Variants in KCNK6 observed in about 807,000 individuals in gnomAD.
KCNK6 encodes the protein potassium two pore domain channel subfamily K member 6.
KCNK6 carries 20 observed loss-of-function variants against 21.9 expected under a neutral mutation model. The observed-to-expected ratio is 0.91, with a 90% confidence interval of 0.64 to 1.32. KCNK6 has a LOEUF of 1.32. Among genes scored for constraint, KCNK6 ranks in the 40% most tolerant of loss-of-function variants. The pLI, the probability that KCNK6 is intolerant of heterozygous loss-of-function variation, is 0.00. For synonymous variants in KCNK6, 210 were observed against 218.0 expected, an observed-to-expected ratio of 0.96 and a Z score of 0.32; for missense variants, 415 against 433.1, an observed-to-expected ratio of 0.96 and a Z score of 0.37.
Position 38,320,248 on chromosome 19 carries a change from G to A in KCNK6, c.298G>A (p.Ala100Thr), listed in dbSNP as rs376955900. The A allele has an allele frequency of 2.5e-6, 4 of 1,606,078 alleles. No individual in the cohort carries two copies. The highest frequency in any genetic ancestry group is 3.4e-6 in the Non-Finnish European group (4 of 1,179,654). ...AWDFASALFF[A>T]STLITTVGYG... ...GGACTTCGCCTCTGCTCTCTTCTTC[G>A]CCAGCACGCTGATCACCACCGTGGG... Residue 100 changes from alanine to threonine, a missense_variant, in exon 1 of 3, where the codon GCC becomes ACC. By Grantham distance (58) the Ala-to-Thr change is moderately conservative. Transcript: ENST00000263372.
chr19:38,321,938 G>A (rs1969656708), intron 1 of KCNK6, among the ~76,000 whole-genome samples: 1 of 152,244 alleles, frequency 6.6e-6, no homozygotes, highest in Non-Finnish European at 1.5e-5. Flanking sequence ...GCGGCTCATT[G>A]CCAGGCCTCA....
In KCNK6 at chr19:38,326,791, TG is replaced by T. The variant is rs1180638657; in HGVS notation, c.523del (p.Ala175ProfsTer6). 1 of 1,606,104 alleles carries T rather than the reference TG, an allele frequency of 6.2e-7. No homozygotes were observed. Among genetic ancestry groups the T allele is most frequent in the Non-Finnish European group, 8.5e-7 (1 of 1,179,990 alleles). ...DPRRAACWHL[V>X]ALLGVVVTVC... ...CGGCGGGCGGCCTGCTGGCACTTGG[TG>T]GCCCTGTTGGGGGTCGTAGTGACCG... On this transcript the variant is annotated frameshift_variant, in exon 2 of 3. Transcript: ENST00000263372. LOFTEE classifies it high-confidence loss of function.
chr19:38,323,231 T>C (rs903219594), intron 1 of KCNK6, among the ~76,000 whole-genome samples: 10 of 152,210 alleles, frequency 6.6e-5, no homozygotes, highest in Non-Finnish European at 1.5e-4. Flanking sequence ...CAGACTGAAG[T>C]GCGGTCAAGG....
At chr19:38,324,585 C>T (rs1273094266) in intron 1 of KCNK6, among the ~76,000 whole-genome samples, 3 of 152,134 alleles carry the variant, frequency 2.0e-5, no homozygotes, top group African/African-American at 4.8e-5. Flanking sequence ...GCATCCCTCG[C>T]TCCTTAAGGA....
At position 38,327,219 on chromosome 19, in the gene KCNK6, T is replaced by A; in HGVS notation, c.758T>A (p.Leu253Gln). Residue 253 changes from leucine (L) to glutamine (Q), a missense_variant, in exon 3 of 3, where the codon CTG becomes CAG. Physicochemically the swap from Leu to Gln is moderately radical, Grantham distance 113. Transcript: ENST00000263372. ...GGCCTGGTGGCCATGGTGCTGGTGC[T>A]GCAGACCTTCCGCCACGTGTCCGAC... Reference protein sequence around the residue: ...FLGLVAMVLVLQTFRHVSDLH... With the variant: ...FLGLVAMVLVQQTFRHVSDLH... 1 of 1,613,442 alleles carries A rather than the reference T, an allele frequency of 6.2e-7. No homozygotes were observed. Among genetic ancestry groups the A allele is most frequent in the Non-Finnish European group, 8.5e-7 (1 of 1,180,016 alleles).
intron 1 of KCNK6, chr19:38,325,322 G>A: frequency 1.3e-6 from 1 of 791,794 alleles, no homozygotes; most frequent in Non-Finnish European, 1.5e-6. Context: ...TCACCATATT[G>A]GTCAGGCTAG....
At chr19:38,320,507 G>A (rs1969638820) in intron 1 of KCNK6, among the ~76,000 whole-genome samples, 1 of 151,332 alleles carries the variant, frequency 6.6e-6, no homozygotes, top group African/African-American at 2.4e-5. Context: ...TCCCCTCAGA[G>A]TACCTTTGCA....
At chr19:38,324,561 A>T (rs1969686945) in intron 1 of KCNK6, among the ~76,000 whole-genome samples, 1 of 152,108 alleles carries the variant, frequency 6.6e-6, no homozygotes, top group South Asian at 2.1e-4. Context: ...GGAGGGAGGA[A>T]AGAAGGGAGA....
intron 1 of KCNK6, chr19:38,325,595 C>A: frequency 1.1e-6 from 1 of 951,878 alleles, no homozygotes; most frequent in Non-Finnish European, 1.3e-6. Context: ...ATAGAGCATG[C>A]TAGAAGGTGT....
Position 38,320,193 on chromosome 19 carries a change from G to A in KCNK6, c.243G>A (p.Ser81=). ...RLGRVVLANA[S]GSANASDPAW... The stretch of plus-strand genomic sequence containing the variant: ...GGCGGGTCGTGCTTGCTAACGCTTC[G>A]GGGTCCGCCAACGCCTCGGACCCCG... The change falls in exon 1 of 3, where the codon TCG becomes TCA. Residue 81 remains serine, a synonymous_variant. Transcript: ENST00000263372. 4 of 1,601,448 alleles carry A rather than the reference G, an allele frequency of 2.5e-6. No homozygotes were observed. The highest frequency in any genetic ancestry group is 3.4e-6 in the Non-Finnish European group (4 of 1,179,484).
rs758075433 is a variant in KCNK6, at chr19:38,320,105, C to T, written c.155C>T (p.Pro52Leu). 5.7e-6 allele frequency: 9 copies of T among 1,567,910 alleles called. No homozygotes were observed. In the African/African-American group the frequency reaches 6.8e-5, roughly 12 times the overall value. The change falls in exon 1 of 3, where the codon CCG (proline) becomes CTG (leucine). Residue 52 changes from proline (P) to leucine (L), a missense_variant. Coordinates refer to ENST00000263372, the MANE Select transcript of KCNK6 (RefSeq NM_004823.3). ...CGGGCGCAGCTGCTTCAGCGCAGCC[C>T]GTGTGTGGCTGCCCCCGCCCTGGAC... Reference protein sequence around the residue: ...TLRAQLLQRSPCVAAPALDAF... With the variant: ...TLRAQLLQRSLCVAAPALDAF...
rs769244044 is a variant in KCNK6 at position 38,327,327 on chromosome 19, TC to T, written c.868del (p.Leu290TrpfsTer40). Reference sequence around the variant, plus strand: ...GCGGATGAGGACGATCGGGTGGACATCCTGGGCCCCCAGCCGGAGTCGCACC... The same window carrying T: ...GCGGATGAGGACGATCGGGTGGACATCTGGGCCCCCAGCCGGAGTCGCACC... ...FNADEDDRVD[I>X]LGPQPESHQQ... On this transcript the variant is annotated frameshift_variant, in exon 3 of 3. Coordinates refer to ENST00000263372, the MANE Select transcript of KCNK6 (RefSeq NM_004823.3). LOFTEE classifies it high-confidence loss of function. 5 of 1,613,210 alleles carry T rather than the reference TC, an allele frequency of 3.1e-6. No homozygotes were observed. The highest frequency in any genetic ancestry group is 1.7e-5 in the Admixed American group (1 of 60,008).
At chr19:38,320,397 G>A in intron 1 of KCNK6, 125 bp downstream of exon 1, 3 of 1,049,820 alleles carry the variant, frequency 2.9e-6, no homozygotes, top group Non-Finnish European at 4.0e-6. Flanking sequence ...CGGATCCCCC[G>A]AAAAGACCCC....
At chr19:38,325,931 G>A (rs914147029) in intron 1 of KCNK6, among the ~76,000 whole-genome samples, 4 of 152,152 alleles carry the variant, frequency 2.6e-5, no homozygotes, top group African/African-American at 7.2e-5. Context: ...AGATTGTAGG[G>A]GCTGGGGATG....
intron 1 of KCNK6, among the ~76,000 whole-genome samples, chr19:38,323,691 C>T (rs1969677605): frequency 1.3e-5 from 2 of 152,194 alleles, no homozygotes; most frequent in South Asian, 2.1e-4. Context: ...CTTAAGTGAT[C>T]CTCCCACCTC....
At chr19:38,321,321 A>G (rs900972594) in intron 1 of KCNK6, among the ~76,000 whole-genome samples, 14 of 152,036 alleles carry the variant, frequency 9.2e-5, no homozygotes, top group African/African-American at 3.4e-4. Context: ...GGCAACTCTG[A>G]CCCCAGACAC....
At chr19:38,322,296 A>C (rs1022539183) in intron 1 of KCNK6, among the ~76,000 whole-genome samples, 1 of 152,240 alleles carries the variant, frequency 6.6e-6, no homozygotes, top group Non-Finnish European at 1.5e-5. Context: ...CTTGTTAAAA[A>C]TGGAAAGTTA....
chr19:38,321,678 G>A (rs1005008691), intron 1 of KCNK6, among the ~76,000 whole-genome samples: 1 of 152,222 alleles, frequency 6.6e-6, no homozygotes, highest in Non-Finnish European at 1.5e-5. Flanking sequence ...TCGCCCTCCC[G>A]GCCAACAATA....
At position 38,326,886 on chromosome 19, in the gene KCNK6, T is replaced by C; in HGVS notation, c.616T>C (p.Tyr206His). The change falls in exon 2 of 3, where the codon TAC (tyrosine) becomes CAC (histidine). Residue 206 changes from tyrosine to histidine, a missense_variant. By Grantham distance (83) the Tyr-to-His change is moderately conservative. Coordinates refer to ENST00000263372, the MANE Select transcript of KCNK6 (RefSeq NM_004823.3). ...EEAWSFLDAFYFCFISLSTIG... is the reference protein window; with the variant it reads ...EEAWSFLDAFHFCFISLSTIG... ...GGCCTGGAGCTTCTTGGATGCCTTC[T>C]ACTTCTGCTTTATCTCTCTGTCCAC... is the stretch of plus-strand genomic sequence containing the variant. 2.5e-6 allele frequency: 4 copies of C among 1,612,076 alleles called. No individual in the cohort carries two copies. The highest frequency in any genetic ancestry group is 3.4e-6 in the Non-Finnish European group (4 of 1,180,018).
Sources: allele counts gnomAD v4.1 joint callset (sites outside exome capture counted in the v4.1 genomes callset), GRCh38; gene constraint gnomAD v4.1.1; transcripts MANE v1.5; gene names NCBI Gene and HGNC (gene_info 2026-07-23, HGNC 2026-07-21).